Variants in SGCD observed in about 807,000 individuals in gnomAD.
SGCD encodes sarcoglycan delta.
SGCD carries 18 observed loss-of-function variants against 36.6 expected under a neutral mutation model. The observed-to-expected ratio is 0.49, with a 90% confidence interval of 0.34 to 0.73. SGCD has a LOEUF of 0.73. SGCD is among the 30% of genes least tolerant of loss of function. The pLI is 0.01. For synonymous variants in SGCD, 133 were observed against 130.6 expected (o/e 1.02, Z -0.12); for missense variants, 387 against 346.7 (o/e 1.12, Z -0.92).
chr5:156,362,517 G>A (rs891593464), intron 3 of SGCD, among the ~76,000 whole-genome samples: 14 of 152,038 alleles, frequency 9.2e-5, no homozygotes, highest in South Asian at 4.1e-4. Flanking sequence ...GTAGTGGTGC[G>A]CATCTGTAGT....
chr5:156,289,753 A>G (rs1392852308), intron 3 of SGCD, among the ~76,000 whole-genome samples: 4 of 152,112 alleles, frequency 2.6e-5, no homozygotes, highest in African/African-American at 9.6e-5. Context: ...CCCTCGCTTC[A>G]AGCAATCCGC....
At chr5:156,628,615 A>G (rs1342314316) in intron 6 of SGCD, among the ~76,000 whole-genome samples, 1 of 152,240 alleles carries the variant, frequency 6.6e-6, no homozygotes, top group Non-Finnish European at 1.5e-5. Flanking sequence ...TTTGACAAGT[A>G]AAACTGATTT....
intron 3 of SGCD, among the ~76,000 whole-genome samples, chr5:156,212,840 A>G (rs1332288359): frequency 6.6e-6 from 1 of 152,148 alleles, no homozygotes; most frequent in African/African-American, 2.4e-5. Flanking sequence ...AATCAATAAC[A>G]GGAGCAATTT....
chr5:156,695,132 GTGTGTT>G (rs1194184141), intron 7 of SGCD, among the ~76,000 whole-genome samples: 1 of 111,540 alleles, frequency 9.0e-6, no homozygotes, highest in Non-Finnish European at 1.9e-5. Flanking sequence ...GTGTGTGTGT[GTGTGTT>G]TGTGTGTGTG....
chr5:156,539,453 C>T (rs1758262284), intron 4 of SGCD, among the ~76,000 whole-genome samples: 2 of 151,748 alleles, frequency 1.3e-5, no homozygotes, highest in Admixed American at 6.6e-5. Flanking sequence ...TTATATCATT[C>T]TCATGCCTTT....
chr5:155,991,684 T>C (rs1184404078), intron 1 of SGCD, among the ~76,000 whole-genome samples: 6 of 152,350 alleles, frequency 3.9e-5, no homozygotes, highest in Admixed American at 1.3e-4. Flanking sequence ...GAACTCTCCA[T>C]TTATAACTGT....
chr5:155,786,573 G>A, the SGCD span, among the ~76,000 whole-genome samples: 1 of 152,022 alleles, frequency 6.6e-6, no homozygotes, highest in South Asian at 2.1e-4. Flanking sequence ...AGGGAAAGAG[G>A]TGCATGCTAT....
chr5:155,998,923 C>T (rs1758609884), intron 1 of SGCD, among the ~76,000 whole-genome samples: 1 of 152,292 alleles, frequency 6.6e-6, no homozygotes, highest in East Asian at 1.9e-4. Context: ...AAGCAGTGAT[C>T]ATGTCTTATT....
At chr5:156,153,469 T>C (rs950538039) in intron 3 of SGCD, among the ~76,000 whole-genome samples, 2 of 151,730 alleles carry the variant, frequency 1.3e-5, no homozygotes, top group African/African-American at 4.9e-5. Context: ...TCTTTAACAA[T>C]GTGAACTCTC....
intron 3 of SGCD, among the ~76,000 whole-genome samples, chr5:156,391,789 T>C (rs879871438): frequency 3.3e-4 from 50 of 152,376 alleles, no homozygotes; most frequent in Admixed American, 2.0e-3. Flanking sequence ...AGTACTATCA[T>C]ATTTTGAAAT....
At chr5:156,597,221 A>G (rs940413866) in intron 6 of SGCD, among the ~76,000 whole-genome samples, 1 of 152,164 alleles carries the variant, frequency 6.6e-6, no homozygotes, top group Non-Finnish European at 1.5e-5. Context: ...AATTTCATAC[A>G]TAGTCCCAAT....
At position 156,315,168 on chromosome 5, in the gene SGCD, T is replaced by C. The variant is rs138451932; in HGVS notation, c.-43-14366T>C. ...AAGTCTCCAATACCTATTCATTTTGTATGGGATTATTTGTACTCTTTCACC... is the reference window on the plus strand; with the variant it reads ...AAGTCTCCAATACCTATTCATTTTGCATGGGATTATTTGTACTCTTTCACC... On this transcript the variant is annotated intron_variant, in intron 3 of 9. Coordinates refer to the SGCD transcript ENST00000517913. Among the ~76,000 whole-genome samples, 27 of 152,072 alleles carry C rather than the reference T, an allele frequency of 1.8e-4. No homozygotes were observed. In the East Asian group the frequency reaches 4.8e-3, roughly 27 times the overall value.
chr5:155,859,219 A>G, the SGCD span, among the ~76,000 whole-genome samples: 2 of 151,516 alleles, frequency 1.3e-5, no homozygotes, highest in Non-Finnish European at 2.9e-5. Flanking sequence ...ATGCCTGGCT[A>G]ATTTTTATTA....
At chr5:156,334,604 AT>A (rs1768230368) in intron 2 of SGCD, among the ~76,000 whole-genome samples, 1 of 54,398 alleles carries the variant, frequency 1.8e-5, no homozygotes, top group East Asian at 5.0e-4. Flanking sequence ...CTGCTGGTCT[AT>A]TTTCTTTTTT....
intron 7 of SGCD, among the ~76,000 whole-genome samples, chr5:156,706,626 C>A (rs2113742861): frequency 6.6e-6 from 1 of 152,202 alleles, no homozygotes; most frequent in Non-Finnish European, 1.5e-5. Flanking sequence ...CTGGCCTTTC[C>A]TGGGAAGAGG....
rs563213080 is a variant in SGCD at position 156,447,245 on chromosome 5, G to A, written c.193-61356G>A. Reference sequence around the variant, plus strand: ...GGGAAGGTGTGATTTGGAGCACACCGTTTCTGTACAGATAGAACCATATAA... The same window carrying A: ...GGGAAGGTGTGATTTGGAGCACACCATTTCTGTACAGATAGAACCATATAA... On this transcript the variant is annotated intron_variant, in intron 3 of 8. Coordinates refer to ENST00000337851, the MANE Select transcript of SGCD (RefSeq NM_000337.6). Among the ~76,000 whole-genome samples the A allele has an allele frequency of 3.8e-4, 58 of 152,286 alleles. No individual in the cohort carries two copies. In the South Asian group the frequency reaches 7.0e-3, roughly 18 times the overall value.
the SGCD span, among the ~76,000 whole-genome samples, chr5:155,860,007 A>G: frequency 6.6e-6 from 1 of 152,210 alleles, no homozygotes; most frequent in Non-Finnish European, 1.5e-5. Flanking sequence ...TTCTATCAGG[A>G]CATCTCTAGA....
rs560150229 is a variant in SGCD at position 156,309,312 on chromosome 5, T to C, written c.-43-20222T>C. The stretch of plus-strand genomic sequence containing the variant: ...AAGATGTCCCACAGATCCCTTAGGT[T>C]CTGTTGACATTTCTTCAATTATTTT... On this transcript the variant is annotated intron_variant, in intron 3 of 9. Coordinates refer to the SGCD transcript ENST00000517913. 1.1e-3 allele frequency among the ~76,000 whole-genome samples: 160 copies of C among 152,272 alleles called. 2 individuals carry two copies. The highest frequency in any genetic ancestry group is 3.4e-3 in the Middle Eastern group (1 of 294).
chr5:156,610,336 C>T (rs1277738883), intron 6 of SGCD, among the ~76,000 whole-genome samples: 2 of 152,308 alleles, frequency 1.3e-5, no homozygotes, highest in East Asian at 1.9e-4. Flanking sequence ...TGGGTATCAG[C>T]AGTGGAGGCT....
Sources: gnomAD v4.1 joint callset for allele counts (sites outside exome capture counted in the v4.1 genomes callset) on GRCh38, gnomAD v4.1.1 for gene constraint, MANE v1.5 for transcripts, NCBI Gene and HGNC (gene_info 2026-07-23, HGNC 2026-07-21) for gene names.